The following NTN1 variants were observed in gnomAD, a reference collection of about 807,000 sequenced individuals.
NTN1 encodes netrin 1.
Under a neutral mutation model 54.2 loss-of-function variants are expected in NTN1, and 11 were observed. That is an observed-to-expected ratio of 0.20 (90% confidence interval 0.13 to 0.34). The LOEUF (loss-of-function observed/expected upper bound fraction) is 0.34, where lower values mean the gene tolerates loss of function less well. NTN1 is among the 10% of genes least tolerant of loss of function. The pLI, the probability that NTN1 is intolerant of heterozygous loss-of-function variation, is 1.00. For synonymous variants in NTN1, 371 were observed against 382.0 expected, an observed-to-expected ratio of 0.97 and a Z score of 0.33; for missense variants, 740 against 893.1, an observed-to-expected ratio of 0.83 and a Z score of 2.18.
chr17:9,164,373 C>T (rs1171448184), intron 3 of NTN1, among the ~76,000 whole-genome samples: 3 of 150,906 alleles, frequency 2.0e-5, no homozygotes, highest in African/African-American at 7.3e-5. Flanking sequence ...TGCAGTGAGC[C>T]AAGATCGCGC....
At chr17:9,188,423 C>T (rs1408352077) in intron 5 of NTN1, among the ~76,000 whole-genome samples, 4 of 83,042 alleles carry the variant, frequency 4.8e-5, no homozygotes, top group African/African-American at 1.4e-4. Context: ...AGTAAAACTC[C>T]ATCTCAAAAA....
chr17:9,099,238 T>C (rs2092141536), intron 2 of NTN1, among the ~76,000 whole-genome samples: 1 of 152,190 alleles, frequency 6.6e-6, no homozygotes, highest in African/African-American at 2.4e-5. Flanking sequence ...ACCCTGTCTC[T>C]ACTAAATACA....
At chr17:9,028,273 G>A (rs1327403031) in intron 2 of NTN1, among the ~76,000 whole-genome samples, 1 of 152,216 alleles carries the variant, frequency 6.6e-6, no homozygotes, top group Non-Finnish European at 1.5e-5. Context: ...GGCCACTGGT[G>A]TGGTGCCGCT....
At position 9,029,709 on chromosome 17, in the gene NTN1, A is replaced by G. The variant is rs1418677706; in HGVS notation, c.1018+6318A>G. On this transcript the variant is annotated intron_variant, in intron 2 of 6. Coordinates refer to ENST00000173229, the MANE Select transcript of NTN1 (RefSeq NM_004822.3). ...TAATTTGCGTTTTAAAAGTTATATC[A>G]TTGGCCGGGCGCGGTGGCTCACGCC... 2.6e-5 allele frequency among the ~76,000 whole-genome samples: 4 copies of G among 152,322 alleles called. No individual in the cohort carries two copies. The East Asian group carries it at 7.7e-4, about 29-fold the overall frequency.
rs142080286 is a variant in NTN1, at chr17:9,141,296, G to A, written c.1019-21517G>A. On this transcript the variant is annotated intron_variant, in intron 2 of 6. Transcript: ENST00000173229. ...CTGGAAGAACGCCAGCTTTAATGAG[G>A]GGGGGGAGAAGGGCAAGCATGAAAG... 7.0e-4 allele frequency among the ~76,000 whole-genome samples: 107 copies of A among 152,098 alleles called. 1 individual carries two copies. The highest frequency in any genetic ancestry group is 1.7e-3 in the African/African-American group (70 of 41,512).
intron 1 of NTN1, among the ~76,000 whole-genome samples, chr17:9,021,887 G>C (rs1402826840): frequency 1.3e-5 from 2 of 152,150 alleles, no homozygotes; most frequent in Non-Finnish European, 2.9e-5. Flanking sequence ...TCCCGAACGC[G>C]GACTTTCCGG....
chr17:9,045,617 A>G (rs989384234), intron 2 of NTN1, among the ~76,000 whole-genome samples: 1 of 152,218 alleles, frequency 6.6e-6, no homozygotes, highest in African/African-American at 2.4e-5. Context: ...TTAATGAGCT[A>G]AGTATCTAAT....
chr17:9,131,213 T>G (rs1361192744), intron 2 of NTN1, among the ~76,000 whole-genome samples: 3 of 152,212 alleles, frequency 2.0e-5, no homozygotes, highest in Non-Finnish European at 4.4e-5. Flanking sequence ...GTGATCACCC[T>G]GTAGAAAACC....
At chr17:9,116,059 C>T (rs539904701) in intron 2 of NTN1, among the ~76,000 whole-genome samples, 4 of 152,314 alleles carry the variant, frequency 2.6e-5, no homozygotes, top group South Asian at 4.1e-4. Flanking sequence ...CCCAGAAAGC[C>T]GCCTGTGGGT....
At chr17:9,155,541 A>G (rs1427251604) in intron 2 of NTN1, among the ~76,000 whole-genome samples, 5 of 151,840 alleles carry the variant, frequency 3.3e-5, no homozygotes, top group African/African-American at 1.2e-4. Flanking sequence ...GGGTTTCTCC[A>G]TGTTGGTCAG....
At chr17:9,057,658 T>C (rs2091983564) in intron 2 of NTN1, among the ~76,000 whole-genome samples, 1 of 152,222 alleles carries the variant, frequency 6.6e-6, no homozygotes, top group African/African-American at 2.4e-5. Flanking sequence ...ACATCTCCTT[T>C]AAACCATCAG....
At position 9,239,501 on chromosome 17, in the gene NTN1, A is replaced by C. The variant is rs967943427; in HGVS notation, c.1487-139A>C. 18 of 744,282 alleles carry C rather than the reference A, an allele frequency of 2.4e-5. No homozygotes were observed. The highest frequency in any genetic ancestry group is 3.7e-5 in the Non-Finnish European group (17 of 463,324). 46.1% of individuals were successfully genotyped at this position (744,282 alleles called of 1,614,324 possible). ...GGGGGTCTACGATCAGCTTGCCACC[A>C]CCCACGCGCTCCTGTATGGGCCACT... On this transcript the variant is annotated intron_variant, in intron 6 of 6. Coordinates refer to ENST00000173229, the MANE Select transcript of NTN1 (RefSeq NM_004822.3). This position sits in a 1 kb window ranked among gnomAD's most constrained non-coding sequence, Gnocchi z 5.2.
At chr17:9,198,172 A>T (rs1322370190) in intron 5 of NTN1, among the ~76,000 whole-genome samples, 1 of 152,226 alleles carries the variant, frequency 6.6e-6, no homozygotes, top group Non-Finnish European at 1.5e-5. Flanking sequence ...TGAGGGAAGC[A>T]CGAGAGTGCA....
chr17:9,170,921 C>A, intron 3 of NTN1: 1 of 7,262 alleles, frequency 1.4e-4, no homozygotes, highest in South Asian at 0.014. Context: ...CAAGACCTGT[C>A]TTTTCTCCTT....
intron 5 of NTN1, among the ~76,000 whole-genome samples, chr17:9,187,654 CAAAAAA>C (rs763852001): frequency 5.7e-5 from 3 of 52,902 alleles, no homozygotes; most frequent in Non-Finnish European, 9.7e-5. Flanking sequence ...CTCATCTCTC[CAAAAAA>C]AAAAAAAAAA....
At chr17:9,215,787 G>T (rs1042608349) in intron 5 of NTN1, among the ~76,000 whole-genome samples, 1 of 152,130 alleles carries the variant, frequency 6.6e-6, no homozygotes, top group African/African-American at 2.4e-5. Flanking sequence ...GCAAAGATGT[G>T]TCTGGATGTT....
chr17:9,107,646 G>C (rs899580669), intron 2 of NTN1, among the ~76,000 whole-genome samples: 1 of 152,210 alleles, frequency 6.6e-6, no homozygotes, highest in African/African-American at 2.4e-5. Flanking sequence ...AGCCTACAGT[G>C]GGTGGTGGTC....
intron 5 of NTN1, among the ~76,000 whole-genome samples, chr17:9,208,624 C>A (rs1380604232): frequency 6.6e-6 from 1 of 152,174 alleles, no homozygotes; most frequent in African/African-American, 2.4e-5. Context: ...AGCACAAGTG[C>A]CAAGGGGAAA....
chr17:9,083,023 C>T (rs1439386585), intron 2 of NTN1, among the ~76,000 whole-genome samples: 1 of 152,000 alleles, frequency 6.6e-6, no homozygotes, highest in East Asian at 1.9e-4. Context: ...GGGACACTGA[C>T]CATCTCCTCA....
Sources: gnomAD v4.1 joint callset for allele counts (sites outside exome capture counted in the v4.1 genomes callset) on GRCh38, gnomAD v4.1.1 for gene constraint, Gnocchi (gnomAD v3.1) non-coding constraint, MANE v1.5 for transcripts, NCBI Gene and HGNC (gene_info 2026-07-23, HGNC 2026-07-21) for gene names.